SREK1: variants seen among roughly 807,000 people sequenced by gnomAD.
SREK1 encodes splicing regulatory glutamic acid and lysine rich protein 1.
In SREK1, 13 loss-of-function variants were observed where a neutral mutation model predicts 66.5. The ratio of observed to expected loss-of-function variants is 0.20; its 90% CI spans 0.13 to 0.31. SREK1 has a LOEUF of 0.31. Among genes scored for constraint, SREK1 ranks in the 10% least tolerant of loss-of-function variants. The probability of loss-of-function intolerance (pLI) is 1.00; values close to 1 mark genes in which losing one functional copy is unlikely to be tolerated. For missense variants in SREK1, 607 were observed against 769.6 expected (o/e 0.79, Z 2.50); for synonymous variants, 265 against 263.5 (o/e 1.01, Z -0.05).
At chr5:66,145,246 A>G in intron 1 of SREK1, 1 of 854,556 alleles carries the variant, frequency 1.2e-6, no homozygotes, top group Non-Finnish European at 1.4e-6. Context: ...GCTGGCATTC[A>G]CAGCTCGCGG....
Position 66,183,484 on chromosome 5 carries a change from A to G in SREK1, c.*4616A>G, listed in dbSNP as rs1746662815. ...TATCAAGGGAAGAGTTTGGAATGTA[A>G]ACATAAACATGCTGCATAGGTGGTG... On this transcript the variant is annotated 3_prime_UTR_variant, in exon 12 of 12. Coordinates refer to ENST00000334121, the MANE Select transcript of SREK1 (RefSeq NM_001077199.3). 6.6e-6 allele frequency: 1 copy of G among 152,198 alleles called. No homozygotes were observed. The highest frequency in any genetic ancestry group is 1.5e-5 in the Non-Finnish European group (1 of 68,028). 9.4% of individuals were successfully genotyped at this position (152,198 alleles called of 1,614,324 possible).
At chr5:66,147,604 A>T (rs1023613764) in intron 1 of SREK1, among the ~76,000 whole-genome samples, 6 of 152,132 alleles carry the variant, frequency 3.9e-5, no homozygotes, top group African/African-American at 1.4e-4. Context: ...GATTTCCGTC[A>T]CTTCTCTGGT....
At chr5:66,177,699 C>G (rs1402518432) in intron 11 of SREK1, 41 bp downstream of exon 11, 23 of 1,544,786 alleles carry the variant, frequency 1.5e-5, no homozygotes, top group East Asian at 2.3e-5. Context: ...TGAAATGGTT[C>G]TTTATTGCAT....
intron 1 of SREK1, among the ~76,000 whole-genome samples, chr5:66,146,253 T>G (rs1743184656): frequency 6.6e-6 from 1 of 152,174 alleles, no homozygotes; most frequent in South Asian, 2.1e-4. Context: ...ACTTTGTACA[T>G]GAACCTTTGT....
intron 9 of SREK1, 155 bp from the exon 10 acceptor site, chr5:66,174,791 G>A (rs186111923): frequency 1.1e-5 from 6 of 550,408 alleles, no homozygotes; most frequent in Admixed American, 3.5e-5. Context: ...TCTAAAGTTA[G>A]GTAATTGAAC....
intron 1 of SREK1, 166 bp downstream of exon 1, chr5:66,144,703 G>C: frequency 1.5e-6 from 2 of 1,324,198 alleles, no homozygotes; most frequent in East Asian, 2.7e-5. Flanking sequence ...CCGCCGTCCT[G>C]CTCTCCTTAG....
intron 7 of SREK1, chr5:66,166,041 A>G (rs1252387147): frequency 6.6e-6 from 1 of 152,260 alleles, no homozygotes; most frequent in East Asian, 1.9e-4. Flanking sequence ...GCGTTTATCC[A>G]AGGACTTACA....
intron 9 of SREK1, among the ~76,000 whole-genome samples, chr5:66,173,347 G>A (rs1473300132): frequency 6.6e-6 from 1 of 152,042 alleles, no homozygotes; most frequent in Non-Finnish European, 1.5e-5. Flanking sequence ...AGAAAGGGAA[G>A]GAAAAAACAA....
chr5:66,173,624 C>T (rs978750712), intron 9 of SREK1, among the ~76,000 whole-genome samples: 1 of 152,174 alleles, frequency 6.6e-6, no homozygotes, highest in Non-Finnish European at 1.5e-5. Flanking sequence ...GGAGACTTTC[C>T]TCTCATTATC....
At chr5:66,167,607 GACGTGAAAATATTTA>G (rs765566840) in intron 7 of SREK1, 9 of 152,154 alleles carry the variant, frequency 5.9e-5, no homozygotes, top group Non-Finnish European at 1.2e-4. Context: ...GGGTAAGATT[GACGTGAAAATATTTA>G]ACGTCACAGT....
chr5:66,144,959 A>G, intron 1 of SREK1: 1 of 989,040 alleles, frequency 1.0e-6, no homozygotes, highest in South Asian at 4.5e-5. Context: ...TCCAGTTTTT[A>G]AGGCCTTGGT....
chr5:66,159,426 TC>T lies in SREK1; in HGVS notation c.411+93del, dbSNP rs1744549598. On this transcript the variant is annotated intron_variant, in intron 3 of 11. Transcript: ENST00000334121. The stretch of plus-strand genomic sequence containing the variant: ...CTTCAGATTATTTGCATTTGGATCT[TC>T]TTCTTTTTTTTTTTTTTAATAGAGA... The T allele has an allele frequency of 1.1e-5, 11 of 993,986 alleles. No individual in the cohort carries two copies. The Admixed American group carries it at 1.6e-4, about 15-fold the overall frequency. The allele number at this position is 993,986 out of a possible 1,614,324, so 61.6% of individuals were successfully genotyped here. A position where few individuals can be genotyped will look rare whatever the true frequency, so the allele number is the denominator to read the frequency against.
chr5:66,149,855 C>T (rs1743613912), intron 1 of SREK1, among the ~76,000 whole-genome samples: 1 of 152,196 alleles, frequency 6.6e-6, no homozygotes, highest in African/African-American at 2.4e-5. Context: ...AAAGATTTCA[C>T]TGCGTTGAAA....
At position 66,170,962 on chromosome 5, in the gene SREK1, A is replaced by C; in HGVS notation, c.1484+15A>C. ...AGTTCCAGCAGGTTTGATAATGCTT[A>C]AAATTTTTACAAAGGGATTTGCTGA... On this transcript the variant is annotated intron_variant, in intron 9 of 11. Coordinates refer to ENST00000334121, the MANE Select transcript of SREK1 (RefSeq NM_001077199.3). 6.3e-7 allele frequency: 1 copy of C among 1,576,172 alleles called. No individual in the cohort carries two copies. Among genetic ancestry groups the C allele is most frequent in the South Asian group, 1.2e-5 (1 of 83,702 alleles).
Position 66,180,812 on chromosome 5 carries a change from G to A in SREK1, c.*1944G>A, listed in dbSNP as rs532850757. ...CAGCTGTCTTATTTATGATATATAA[G>A]TAGAAATAGAGCAAATGTTGGAATC... On this transcript the variant is annotated 3_prime_UTR_variant, in exon 12 of 12. Coordinates refer to ENST00000334121, the MANE Select transcript of SREK1 (RefSeq NM_001077199.3). 172 of 152,616 alleles carry A rather than the reference G, an allele frequency of 1.1e-3. No individual in the cohort carries two copies. The highest frequency in any genetic ancestry group is 3.6e-3 in the African/African-American group (150 of 41,502). 9.5% of individuals were successfully genotyped at this position (152,616 alleles called of 1,614,324 possible). A position where few individuals can be genotyped will look rare whatever the true frequency, so the allele number is the denominator to read the frequency against.
In SREK1 at chr5:66,151,935, T is replaced by C. The variant is rs555286754; in HGVS notation, c.162-1528T>C. On this transcript the variant is annotated intron_variant, in intron 1 of 11. Transcript: ENST00000334121. ...ATCTCGGCTCACTGCAAGCTCCGCC[T>C]CCCGGGTTCACGCCACTCTCCTGCC... 2.5e-4 allele frequency among the ~76,000 whole-genome samples: 33 copies of C among 133,804 alleles called. No homozygotes were observed. In the South Asian group the frequency reaches 6.5e-3, roughly 26 times the overall value. 87.8% of individuals were successfully genotyped at this position (133,804 alleles called of 152,430 possible). A position where few individuals can be genotyped will look rare whatever the true frequency, so the allele number is the denominator to read the frequency against.
At chr5:66,162,385 TTTATC>T (rs774583325) in intron 4 of SREK1, 24 bp from the exon 5 acceptor site, 8 of 1,610,622 alleles carry the variant, frequency 5.0e-6, no homozygotes, top group African/African-American at 1.3e-5. Context: ...ATGGATATAT[TTTATC>T]AAAGTGTCAC....
Position 66,144,558 on chromosome 5 carries a change from G to C in SREK1, c.161+21G>C, listed in dbSNP as rs988916267. The C allele has an allele frequency of 3.2e-6, 5 of 1,541,082 alleles. No individual in the cohort carries two copies. In the African/African-American group the frequency reaches 5.5e-5, roughly 17 times the overall value. ...CCGGAGTAAGTGCTGGAGCTCGGCT[G>C]GGGGAGGGGCGCGGGCGCCATAGAG... On this transcript the variant is annotated intron_variant, in intron 1 of 11. Coordinates refer to ENST00000334121, the MANE Select transcript of SREK1 (RefSeq NM_001077199.3).
rs60920757 is a variant in SREK1, at chr5:66,151,834, C to CTTT, written c.162-1602_162-1600dup. 2.9e-3 allele frequency among the ~76,000 whole-genome samples: 243 copies of CTTT among 84,788 alleles called. 36 individuals carry two copies. Among genetic ancestry groups the CTTT allele is most frequent in the East Asian group, 5.2e-3 (13 of 2,516 alleles). 55.6% of individuals were successfully genotyped at this position (84,788 alleles called of 152,430 possible). A position where few individuals can be genotyped will look rare whatever the true frequency, so the allele number is the denominator to read the frequency against. On this transcript the variant is annotated intron_variant, in intron 1 of 11. Coordinates refer to ENST00000334121, the MANE Select transcript of SREK1 (RefSeq NM_001077199.3). ...TGAGTTGGATGCTAAGAGGTACATC[C>CTTT]TTTTTTTTTTTTTTTTTTTTTTTTT...
Sources: gnomAD v4.1 joint callset for allele counts (sites outside exome capture counted in the v4.1 genomes callset) on GRCh38, gnomAD v4.1.1 for gene constraint, MANE v1.5 for transcripts, NCBI Gene and HGNC (gene_info 2026-07-23, HGNC 2026-07-21) for gene names.